Variants in MYO16 observed in about 807,000 individuals in gnomAD.
The protein encoded by MYO16 is myosin XVI, also known as unconventional myosin-XVI.
A neutral mutation model predicts 205.3 loss-of-function variants in MYO16; 94 were observed. The observed-to-expected ratio is 0.46, with a 90% CI of 0.39 to 0.54. MYO16 has a LOEUF of 0.54. Ranked by LOEUF, MYO16 falls within the 20% of genes least tolerant of loss-of-function variation. The pLI, the probability that MYO16 is intolerant of heterozygous loss-of-function variation, is 0.00. For synonymous variants in MYO16, 988 were observed against 954.0 expected, an observed-to-expected ratio of 1.04 and a Z score of -0.66; for missense variants, 2,315 against 2,387.5, an observed-to-expected ratio of 0.97 and a Z score of 0.63.
chr13:109,077,846 T>C (rs960974917), intron 27 of MYO16, among the ~76,000 whole-genome samples: 1 of 152,108 alleles, frequency 6.6e-6, no homozygotes, highest in African/African-American at 2.4e-5. Flanking sequence ...ATTTGGAAAA[T>C]TTTTCAAATA....
chr13:108,882,934 A>G (rs952667126), intron 12 of MYO16, 125 bp from the exon 13 acceptor site: 14 of 1,323,786 alleles, frequency 1.1e-5, no homozygotes, highest in African/African-American at 5.9e-5. Flanking sequence ...TTACATACCA[A>G]TGAGATTCAG....
chr13:108,691,968 G>A (rs1306210009), intron 2 of MYO16, among the ~76,000 whole-genome samples: 4 of 152,244 alleles, frequency 2.6e-5, no homozygotes, highest in African/African-American at 9.6e-5. Context: ...CACAGGAAGC[G>A]CCCCCTTTCC....
At chr13:109,012,095 A>G (rs573034506) in intron 22 of MYO16, among the ~76,000 whole-genome samples, 1 of 152,220 alleles carries the variant, frequency 6.6e-6, no homozygotes, top group Non-Finnish European at 1.5e-5. Context: ...AAGTTTCATA[A>G]ATTACCTTAT....
intron 2 of MYO16, among the ~76,000 whole-genome samples, chr13:108,702,001 C>A: frequency 6.7e-6 from 1 of 150,134 alleles, no homozygotes. Flanking sequence ...TAAGATGATC[C>A]AGTCTGAGGT....
At position 108,649,111 on chromosome 13, in the gene MYO16, TA is replaced by T. The variant is rs576533687; in HGVS notation, c.29-16774del. Among the ~76,000 whole-genome samples the T allele has an allele frequency of 1.4e-4, 21 of 151,884 alleles. No homozygotes were observed. The South Asian group carries it at 4.4e-3, about 32-fold the overall frequency. ...AGGGGGGAGGGATAGCATTAGGAGC[TA>T]TACCTAATGTTAAATGATGAGTTAA... On this transcript the variant is annotated intron_variant, in intron 1 of 34. Transcript: ENST00000457511.
rs74117288 is a variant in MYO16 at position 108,629,789 on chromosome 13, T to G, written c.-56T>G. The G allele has an allele frequency of 1.4e-4, 212 of 1,493,634 alleles. No individual in the cohort carries two copies. The African/African-American group carries it at 2.7e-3, about 19-fold the overall frequency. 92.5% of individuals were successfully genotyped at this position (1,493,634 alleles called of 1,614,324 possible). Reference sequence around the variant, plus strand: ...GTAATGCATTTCCTGGGAACGACAGTTGTGACAGAAGAGAATGCTGGAACC... The same window carrying G: ...GTAATGCATTTCCTGGGAACGACAGGTGTGACAGAAGAGAATGCTGGAACC... On this transcript the variant is annotated 5_prime_UTR_variant, in exon 1 of 35. Coordinates refer to ENST00000457511, the MANE Select transcript of MYO16 (RefSeq NM_001198950.3).
chr13:108,844,377 A>G lies in MYO16; in HGVS notation c.1132A>G (p.Ser378Gly). The stretch of plus-strand genomic sequence containing the variant: ...GGTGTTACCAATTGCCAAGCAAGAC[A>G]GTTTGTTGGAAAAAGACATTATGTT... ...PLVLPIAKQDSLLEKDIMFKD... is the reference protein window; with the variant it reads ...PLVLPIAKQDGLLEKDIMFKD... The change falls in exon 10 of 35, where the codon AGT becomes GGT. Residue 378 changes from serine to glycine, a missense_variant. Coordinates refer to ENST00000457511, the MANE Select transcript of MYO16 (RefSeq NM_001198950.3). The G allele has an allele frequency of 1.2e-6, 2 of 1,613,496 alleles. No homozygotes were observed. The highest frequency in any genetic ancestry group is 1.7e-6 in the Non-Finnish European group (2 of 1,179,580).
chr13:109,197,676 A>G (rs192575934), intron 34 of MYO16, among the ~76,000 whole-genome samples: 2 of 151,986 alleles, frequency 1.3e-5, no homozygotes, highest in African/African-American at 4.8e-5. Flanking sequence ...AAAGAAAAAC[A>G]TCCCCTTGAC....
At chr13:108,636,367 T>G (rs375514205) in intron 1 of MYO16, among the ~76,000 whole-genome samples, 34,239 of 54,562 alleles carry the variant, frequency 0.63, 9,810 homozygotes, top group Middle Eastern at 0.71. Context: ...TTTTTTTTTT[T>G]TTTGTGTGTG....
chr13:108,810,164 T>C (rs1251442098), intron 7 of MYO16, among the ~76,000 whole-genome samples: 1 of 152,224 alleles, frequency 6.6e-6, no homozygotes, highest in East Asian at 1.9e-4. Context: ...TAGACTTGCC[T>C]TTAATTTTCT....
At chr13:109,147,154 C>A (rs2139822111) in intron 32 of MYO16, among the ~76,000 whole-genome samples, 1 of 151,398 alleles carries the variant, frequency 6.6e-6, no homozygotes, top group South Asian at 2.1e-4. Context: ...GGAACACTTG[C>A]AGACAGCCCC....
At chr13:108,654,385 C>A (rs1881150090) in intron 1 of MYO16, among the ~76,000 whole-genome samples, 1 of 152,188 alleles carries the variant, frequency 6.6e-6, no homozygotes, top group Non-Finnish European at 1.5e-5. Context: ...TCTGCATCTT[C>A]CTCATTTTCT....
At chr13:108,562,811 A>G in the MYO16 span, among the ~76,000 whole-genome samples, 1 of 152,244 alleles carries the variant, frequency 6.6e-6, no homozygotes, top group African/African-American at 2.4e-5. Flanking sequence ...AGGCTATACC[A>G]TATGGCTTGG....
At chr13:108,906,344 A>G (rs1355126499) in intron 15 of MYO16, among the ~76,000 whole-genome samples, 1 of 152,220 alleles carries the variant, frequency 6.6e-6, no homozygotes. Flanking sequence ...AATATCTTCC[A>G]GTAAATATAG....
rs556163151 is a variant in MYO16 at position 109,061,359 on chromosome 13, G to A, written c.3335+5764G>A. Among the ~76,000 whole-genome samples, 13 of 152,230 alleles carry A rather than the reference G, an allele frequency of 8.5e-5. No individual in the cohort carries two copies. In the South Asian group the frequency reaches 1.2e-3, roughly 15 times the overall value. On this transcript the variant is annotated intron_variant, in intron 27 of 34. Transcript: ENST00000457511. ...GTGCAAGAGATCTAGCTCTTGGCCC[G>A]TCTTGACTTTTGACATGCTTTCCCT...
At chr13:109,083,511 G>C (rs1017394235) in intron 27 of MYO16, among the ~76,000 whole-genome samples, 1 of 150,988 alleles carries the variant, frequency 6.6e-6, no homozygotes, top group African/African-American at 2.4e-5. Flanking sequence ...AGGGTGCTGG[G>C]TAGAAGAAAG....
chr13:109,013,249 G>C (rs1467964169), intron 22 of MYO16, among the ~76,000 whole-genome samples: 1 of 151,864 alleles, frequency 6.6e-6, no homozygotes. Context: ...AGTTTGCTCA[G>C]AGTGATGGTT....
At chr13:108,985,162 A>G (rs997434441) in intron 20 of MYO16, among the ~76,000 whole-genome samples, 27 of 152,232 alleles carry the variant, frequency 1.8e-4, no homozygotes, top group African/African-American at 6.3e-4. Flanking sequence ...GCAGAATAAT[A>G]GAGTTGGTCA....
chr13:108,854,862 T>G (rs528634921), intron 10 of MYO16, among the ~76,000 whole-genome samples: 4 of 152,182 alleles, frequency 2.6e-5, no homozygotes, highest in Admixed American at 6.5e-5. Flanking sequence ...TAGGAAAGTA[T>G]TTTTTCTTTA....
Sources: gnomAD v4.1 joint callset for allele counts (sites outside exome capture counted in the v4.1 genomes callset) on GRCh38, gnomAD v4.1.1 for gene constraint, MANE v1.5 for transcripts, NCBI Gene and HGNC (gene_info 2026-07-23, HGNC 2026-07-21) for gene names.